Variants in CHN2 observed in about 807,000 individuals in gnomAD.
CHN2 encodes chimerin 2, also known as beta-chimaerin.
CHN2 carries 35 observed loss-of-function variants against 56.3 expected under a neutral mutation model. That is an observed-to-expected ratio of 0.62 (90% CI 0.47 to 0.82). The LOEUF (loss-of-function observed/expected upper bound fraction) is 0.82. CHN2 is among the 40% of genes least tolerant of loss of function. CHN2 has a pLI of 0.00. For missense variants in CHN2, 491 were observed against 580.5 expected (o/e 0.85, Z 1.58); for synonymous variants, 210 against 212.8 (o/e 0.99, Z 0.12).
chr7:29,146,674 G>C (rs1792735660), exon 1 of CHN2: 1 of 1,550,438 alleles, frequency 6.4e-7, no homozygotes, highest in South Asian at 1.2e-5. Flanking sequence ...CGCTTCCCAT[G>C]CTGGAAGAAG....
At chr7:29,193,339 A>G (rs2128757358), upstream of CHN2, 1 of 152,156 alleles carries the variant, frequency 6.6e-6, no homozygotes, top group South Asian at 2.1e-4. Flanking sequence ...TATTCACTGT[A>G]TGTTAGGTCC....
At chr7:29,416,638 C>T (rs34775721) in intron 6 of CHN2, among the ~76,000 whole-genome samples, 24,953 of 152,078 alleles carry the variant, frequency 0.16, 2,146 homozygotes, top group Middle Eastern at 0.21. Context: ...GTTGCTGGTC[C>T]GGGAACCACA....
intron 6 of CHN2, among the ~76,000 whole-genome samples, chr7:29,403,202 TAA>T (rs1176701278): frequency 6.6e-6 from 1 of 151,940 alleles, no homozygotes; most frequent in Non-Finnish European, 1.5e-5. Context: ...GTGGAATTAT[TAA>T]AGGTCTCAGC....
chr7:29,151,133 T>C (rs969941944), intron 2 of CHN2, among the ~76,000 whole-genome samples: 1 of 152,164 alleles, frequency 6.6e-6, no homozygotes, highest in African/African-American at 2.4e-5. Context: ...TTGTACTTGG[T>C]AAGGAAGGGG....
chr7:29,494,789 A>G (rs1274339604), intron 7 of CHN2, among the ~76,000 whole-genome samples: 1 of 151,996 alleles, frequency 6.6e-6, no homozygotes, highest in Non-Finnish European at 1.5e-5. Flanking sequence ...AGAGATCCAG[A>G]TCCATTTTGT....
chr7:29,324,294 C>T (rs779110816), intron 1 of CHN2, among the ~76,000 whole-genome samples: 12 of 152,256 alleles, frequency 7.9e-5, no homozygotes, highest in Non-Finnish European at 1.5e-4. Flanking sequence ...CTTAGCAGCA[C>T]GCATGCATCT....
intron 2 of CHN2, among the ~76,000 whole-genome samples, chr7:29,361,042 G>A (rs138463927): frequency 2.0e-3 from 304 of 152,316 alleles, no homozygotes; most frequent in South Asian, 5.0e-3. Context: ...TCTGGTGTGC[G>A]GCAGAGGGCC....
intron 1 of CHN2, among the ~76,000 whole-genome samples, chr7:29,347,513 G>GGA (rs890121098): frequency 3.3e-5 from 5 of 151,950 alleles, no homozygotes; most frequent in Non-Finnish European, 4.4e-5. Context: ...AGGTGGCAAG[G>GGA]GAGAGAGAGA....
intron 3 of CHN2, among the ~76,000 whole-genome samples, chr7:29,382,418 G>A (rs527965696): frequency 4.9e-4 from 75 of 152,306 alleles, no homozygotes; most frequent in Middle Eastern, 3.4e-3. Context: ...GTTTTGTCCC[G>A]TAGCTTGGAA....
intron 4 of CHN2, 198 bp from the exon 5 acceptor site, chr7:29,398,175 G>C (rs1410575192): frequency 5.0e-6 from 2 of 397,218 alleles, no homozygotes; most frequent in African/African-American, 4.1e-5. Flanking sequence ...CCTTTTGTTT[G>C]CCTGCTTGAA....
chr7:29,251,609 C>T (rs746102260), intron 1 of CHN2, among the ~76,000 whole-genome samples: 16 of 152,114 alleles, frequency 1.1e-4, no homozygotes, highest in Admixed American at 3.9e-4. Context: ...AAGGTAACTT[C>T]GTGTAACTAA....
chr7:29,334,091 GC>G (rs1796434820), intron 1 of CHN2, among the ~76,000 whole-genome samples: 1 of 101,820 alleles, frequency 9.8e-6, no homozygotes, highest in Non-Finnish European at 1.9e-5. Context: ...TCCCTCCATT[GC>G]CCAGGCTGGA....
chr7:29,240,831 G>GTCGTCGTCT (rs1562857623), intron 1 of CHN2, among the ~76,000 whole-genome samples: 2 of 151,108 alleles, frequency 1.3e-5, no homozygotes, highest in Non-Finnish European at 2.9e-5. Flanking sequence ...CGTCGTCGTC[G>GTCGTCGTCT]TCGTCTTCGT....
chr7:29,345,550 G>T (rs540409671), intron 1 of CHN2, among the ~76,000 whole-genome samples: 26 of 152,078 alleles, frequency 1.7e-4, no homozygotes, highest in Non-Finnish European at 3.1e-4. Flanking sequence ...GTGTGTTCGA[G>T]GAGCAAAAGA....
chr7:29,287,898 T>G (rs528110266), intron 1 of CHN2, among the ~76,000 whole-genome samples: 2 of 152,320 alleles, frequency 1.3e-5, no homozygotes, highest in African/African-American at 4.8e-5. Flanking sequence ...TCTTCTTGCT[T>G]GCATTTGTTT....
chr7:29,411,074 C>G (rs1247124538), intron 6 of CHN2, among the ~76,000 whole-genome samples: 2 of 152,160 alleles, frequency 1.3e-5, no homozygotes, highest in African/African-American at 4.8e-5. Flanking sequence ...ACCTGTGTAT[C>G]ACTATTTAAC....
intron 10 of CHN2, among the ~76,000 whole-genome samples, chr7:29,505,351 A>G (rs1314812818): frequency 6.6e-6 from 1 of 152,220 alleles, no homozygotes; most frequent in Admixed American, 6.5e-5. Context: ...TGTATTTTTA[A>G]TAAGCAATCC....
intron 6 of CHN2, among the ~76,000 whole-genome samples, chr7:29,448,044 T>G (rs761690646): frequency 2.0e-5 from 3 of 152,276 alleles, no homozygotes; most frequent in Non-Finnish European, 2.9e-5. Context: ...AAAAGGAAAC[T>G]GCAGAAACCT....
intron 1 of CHN2, among the ~76,000 whole-genome samples, chr7:29,287,232 T>C (rs755672650): frequency 2.0e-5 from 3 of 152,158 alleles, no homozygotes; most frequent in Non-Finnish European, 4.4e-5. Flanking sequence ...CACTGAACTT[T>C]TCAGGTTTTG....
Sources: gnomAD v4.1 joint callset for allele counts (sites outside exome capture counted in the v4.1 genomes callset) on GRCh38, gnomAD v4.1.1 for gene constraint, MANE v1.5 for transcripts, NCBI Gene and HGNC (gene_info 2026-07-23, HGNC 2026-07-21) for gene names.